CFAP65: variants seen among roughly 807,000 people sequenced by gnomAD.
The protein encoded by CFAP65 is cilia and flagella associated protein 65.
In CFAP65, 155 loss-of-function variants were observed where a neutral mutation model predicts 208.0. That is an observed-to-expected ratio of 0.75 (90% CI 0.65 to 0.85). CFAP65 has a LOEUF of 0.85. Ranked by LOEUF, CFAP65 falls within the 40% of genes least tolerant of loss-of-function variation. CFAP65 has a pLI of 0.00. For missense variants in CFAP65, 2,294 were observed against 2,451.3 expected, an observed-to-expected ratio of 0.94 and a Z score of 1.36; for synonymous variants, 970 against 986.3, an observed-to-expected ratio of 0.98 and a Z score of 0.31.
chr2:219,030,693 G>A lies in CFAP65; in HGVS notation c.1157C>T (p.Ser386Leu), dbSNP rs751085940. Residue 386 changes from serine to leucine, a missense_variant, in exon 9 of 35, where the codon TCG becomes TTG. Ser to Leu is a moderately radical substitution (Grantham distance 145). Transcript: ENST00000341552. ...SERQIRLHNP[S>L]AVNAPFRIEI... is the part of the protein sequence containing the mutation. ...CCCCTCCTGCCTGGTGCCTACCGCC[G>A]ACGGGTTGTGTAGCCTGATCTGCCT... 14 of 1,612,766 alleles carry A rather than the reference G, an allele frequency of 8.7e-6. No homozygotes were observed. The highest frequency in any genetic ancestry group is 4.4e-5 in the South Asian group (4 of 91,014).
At chr2:219,035,687 G>T in intron 4 of CFAP65, 23 bp from the exon 5 acceptor site, 1 of 1,595,650 alleles carries the variant, frequency 6.3e-7, no homozygotes, top group African/African-American at 1.3e-5. Flanking sequence ...CAGGGAGAAG[G>T]GGGAGCAGAA....
At chr2:219,019,368 G>T in intron 20 of CFAP65, 138 bp downstream of exon 20, 3 of 1,053,588 alleles carry the variant, frequency 2.8e-6, no homozygotes, top group Non-Finnish European at 4.1e-6. Context: ...CTCCAGGGAT[G>T]GGCGAGAACT....
In CFAP65 at chr2:219,024,127, A is replaced by G. The variant is rs1947457057; in HGVS notation, c.2483T>C (p.Leu828Pro). ...SDVILRPTSG[L>P]VAPGAHQIIL... is the part of the protein sequence containing the mutation. ...GATCTGGTGGGCCCCGGGTGCCACAAGGCCCGAAGTGGGCCGAAGGATGAC... is the reference window on the plus strand; with the variant it reads ...GATCTGGTGGGCCCCGGGTGCCACAGGGCCCGAAGTGGGCCGAAGGATGAC... The change falls in exon 15 of 35, where the codon CTT becomes CCT. Residue 828 changes from leucine (L) to proline (P), a missense_variant. Coordinates refer to ENST00000341552, the MANE Select transcript of CFAP65 (RefSeq NM_194302.4). 5.6e-6 allele frequency: 9 copies of G among 1,614,058 alleles called. No individual in the cohort carries two copies. Among genetic ancestry groups the G allele is most frequent in the Admixed American group, 1.7e-5 (1 of 60,036 alleles).
At chr2:219,010,425 C>T (rs1574537861) in intron 26 of CFAP65, 121 bp downstream of exon 26, 1 of 1,077,118 alleles carries the variant, frequency 9.3e-7, no homozygotes, top group Non-Finnish European at 1.3e-6. Context: ...TCATCTCTGC[C>T]TCTGTCCCTC....
In CFAP65 at chr2:219,038,316, C is replaced by T. The variant is rs1948479635; in HGVS notation, c.357+59G>A. 11 of 1,558,590 alleles carry T rather than the reference C, an allele frequency of 7.1e-6. No individual in the cohort carries two copies. In the South Asian group the frequency reaches 1.2e-4, roughly 18 times the overall value. On this transcript the variant is annotated intron_variant, in intron 4 of 34. Coordinates refer to ENST00000341552, the MANE Select transcript of CFAP65 (RefSeq NM_194302.4). ...AGATTCCCACCCCACTGCCCTGCCA[C>T]CCATGCCCCGCCCTGGCCCTGCCAC...
In CFAP65 at chr2:219,006,502, G is replaced by A. The variant is rs1451398127; in HGVS notation, c.4682C>T (p.Thr1561Ile). 10 of 1,613,510 alleles carry A rather than the reference G, an allele frequency of 6.2e-6. No individual in the cohort carries two copies. In the East Asian group the frequency reaches 1.8e-4, roughly 29 times the overall value. Residue 1561 changes from threonine (T) to isoleucine (I), a missense_variant, in exon 30 of 35, where the codon ACA (threonine) becomes ATA (isoleucine). By Grantham distance (89) the Thr-to-Ile change is moderately conservative (BLOSUM62 -1). Transcript: ENST00000341552. Reference sequence around the variant, plus strand: ...CGCAGGTTCACAGGCTGTGCAGCATGTTCTCTTCTGTGGAAAAAGAGAGAT... The same window carrying A: ...CGCAGGTTCACAGGCTGTGCAGCATATTCTCTTCTGTGGAAAAAGAGAGAT... The part of the protein sequence containing the change: ...TITDMKVKKR[T>I]CCTACEPARK...
Position 219,038,542 on chromosome 2 carries a change from T to C in CFAP65, c.190A>G (p.Lys64Glu), listed in dbSNP as rs771266560. The change falls in exon 4 of 35, where the codon AAG becomes GAG. Residue 64 changes from lysine (K) to glutamate (E), a missense_variant. Transcript: ENST00000341552. ...GGAGCCTGGGTGAGCATCATGTCCTTGGGACACAGTCCAAAGGGAGCACTC... is the reference window on the plus strand; with the variant it reads ...GGAGCCTGGGTGAGCATCATGTCCTCGGGACACAGTCCAAAGGGAGCACTC... Reference protein sequence around the residue: ...TQSAPFGLCPKDMMLTQAPSS... With the variant: ...TQSAPFGLCPEDMMLTQAPSS... 2 of 1,613,956 alleles carry C rather than the reference T, an allele frequency of 1.2e-6. No individual in the cohort carries two copies. Among genetic ancestry groups the C allele is most frequent in the African/African-American group, 2.7e-5 (2 of 74,910 alleles).
chr2:219,041,014 C>T (rs1362563821), intron 1 of CFAP65, among the ~76,000 whole-genome samples: 2 of 152,214 alleles, frequency 1.3e-5, no homozygotes, highest in Non-Finnish European at 2.9e-5. Flanking sequence ...TCCCACTAGC[C>T]TGCACTATTC....
At chr2:219,008,589 A>G (rs1375458905) in intron 29 of CFAP65, among the ~76,000 whole-genome samples, 6 of 152,182 alleles carry the variant, frequency 3.9e-5, no homozygotes, top group African/African-American at 1.4e-4. Flanking sequence ...TACTAAAAAT[A>G]CAAAAATTAG....
intron 11 of CFAP65, among the ~76,000 whole-genome samples, chr2:219,028,713 G>A (rs1947823682): frequency 6.6e-6 from 1 of 152,144 alleles, no homozygotes; most frequent in Non-Finnish European, 1.5e-5. Context: ...TGCCAAACTA[G>A]AATTCAGGCC....
In CFAP65 at chr2:219,029,604, G is replaced by C; in HGVS notation, c.1449C>G (p.Ser483=). The change falls in exon 11 of 35, where the codon TCC becomes TCG. Residue 483 remains serine, a synonymous_variant. Transcript: ENST00000341552. The stretch of plus-strand genomic sequence containing the variant: ...GGTTCTCAATCCACAGGGGCTGCTC[G>C]GAGCGCTCCCCAAGGTTGACCCAGC... The part of the protein sequence containing the change: ...NFSWVNLGER[S]EQPLWIENQS... 6.2e-7 allele frequency: 1 copy of C among 1,613,986 alleles called. No individual in the cohort carries two copies. The highest frequency in any genetic ancestry group is 1.7e-5 in the Admixed American group (1 of 60,010).
At chr2:219,022,816 C>T (rs1947355285) in intron 16 of CFAP65, among the ~76,000 whole-genome samples, 1 of 152,228 alleles carries the variant, frequency 6.6e-6, no homozygotes, top group South Asian at 2.1e-4. Context: ...ACTGTGACTA[C>T]AGTCTCCTTC....
chr2:219,019,815 GC>G, intron 19 of CFAP65, 96 bp from the exon 20 acceptor site: 1 of 973,574 alleles, frequency 1.0e-6, no homozygotes, highest in Non-Finnish European at 1.6e-6. Context: ...TGGGCAGTTG[GC>G]CCCAGGACCC....
At chr2:219,022,735 T>TC (rs1412970176) in intron 16 of CFAP65, among the ~76,000 whole-genome samples, 1 of 152,184 alleles carries the variant, frequency 6.6e-6, no homozygotes, top group Non-Finnish European at 1.5e-5. Flanking sequence ...AAGTTTGGCC[T>TC]CCCCAACCCG....
At chr2:219,007,818 C>CTT (rs376788210) in intron 29 of CFAP65, among the ~76,000 whole-genome samples, 7 of 145,582 alleles carry the variant, frequency 4.8e-5, no homozygotes, top group Admixed American at 6.8e-5. Flanking sequence ...AGACTTTTAT[C>CTT]TTTTTTTTTT....
At chr2:219,023,956 G>T in intron 15 of CFAP65, 59 bp downstream of exon 15, 5 of 1,564,604 alleles carry the variant, frequency 3.2e-6, no homozygotes, top group Non-Finnish European at 4.3e-6. Context: ...CCTTGAAAAG[G>T]GTGGTTCAAG....
chr2:219,019,523 C>T lies in CFAP65; in HGVS notation c.3456G>A (p.Lys1152=). ...RDPTPCELTY[K]VPTRHSMSQI... ...CAGCTCACCTGTGCCGGGTGGGCAC[C>T]TTGTAGGTGAGCTCACAGGGGGTGG... Residue 1152 remains lysine (K), a synonymous_variant, in exon 20 of 35, where the codon AAG becomes AAA. Coordinates refer to ENST00000341552, the MANE Select transcript of CFAP65 (RefSeq NM_194302.4). The T allele has an allele frequency of 6.2e-7, 1 of 1,612,648 alleles. No homozygotes were observed. The highest frequency in any genetic ancestry group is 8.5e-7 in the Non-Finnish European group (1 of 1,179,930).
rs1194985906 is a variant in CFAP65, at chr2:219,004,879, T to C, written c.5052-424A>G. ...CTTGCAAAGAAGTTCTGTTTCTTTT[T>C]TTCTTTTCTCTCTCTCTCTATTTCT... On this transcript the variant is annotated intron_variant, in intron 32 of 34. Coordinates refer to ENST00000341552, the MANE Select transcript of CFAP65 (RefSeq NM_194302.4). The surrounding 1 kb of genome is among the most constrained non-coding windows in gnomAD (Gnocchi z 4.7). Among the ~76,000 whole-genome samples, 1 of 136,636 alleles carries C rather than the reference T, an allele frequency of 7.3e-6. No individual in the cohort carries two copies. Among genetic ancestry groups the C allele is most frequent in the Non-Finnish European group, 1.5e-5 (1 of 67,902 alleles). The allele number at this position is 136,636 out of a possible 152,430, so 89.6% of individuals were successfully genotyped here. A position where few individuals can be genotyped will look rare whatever the true frequency, so the allele number is the denominator to read the frequency against.
At chr2:219,019,359 T>C in intron 20 of CFAP65, 147 bp downstream of exon 20, 2 of 1,051,880 alleles carry the variant, frequency 1.9e-6, no homozygotes, top group Non-Finnish European at 2.7e-6. Context: ...CCTGGGCCCC[T>C]CCAGGGATGG....
Sources: gnomAD v4.1 joint callset for allele counts (sites outside exome capture counted in the v4.1 genomes callset) on GRCh38, gnomAD v4.1.1 for gene constraint, Gnocchi (gnomAD v3.1) non-coding constraint, MANE v1.5 for transcripts, NCBI Gene and HGNC (gene_info 2026-07-23, HGNC 2026-07-21) for gene names.